The following GPM6B variants were observed in gnomAD, a reference collection of about 807,000 sequenced individuals.
GPM6B encodes glycoprotein M6B.
Under a neutral mutation model 27.2 loss-of-function variants are expected in GPM6B, and 4 were observed. That is an observed-to-expected ratio of 0.15 (90% CI 0.07 to 0.34). The LOEUF (loss-of-function observed/expected upper bound fraction) is 0.34. Among genes scored for constraint, GPM6B ranks in the 10% least tolerant of loss-of-function variants. The probability of loss-of-function intolerance (pLI) is 1.00; values close to 1 mark genes in which losing one functional copy is unlikely to be tolerated. For synonymous variants in GPM6B, 124 were observed against 103.1 expected (o/e 1.20, Z -1.23); for missense variants, 183 against 261.9 (o/e 0.70, Z 2.08).
chrX:13,865,008 GTTATGTGAATGTAGTCTCTCTTTC>G (rs1168955730), intron 1 of GPM6B, among the ~76,000 whole-genome samples: 1 of 111,967 alleles, frequency 8.9e-6, no homozygotes, highest in African/African-American at 3.2e-5. Context: ...TGTAATCAAA[GTTATGTGAATGTAGTCTCTCTTTC>G]TTATCTTATT....
chrX:13,899,754 G>A (rs2050266584), intron 1 of GPM6B, among the ~76,000 whole-genome samples: 1 of 111,194 alleles, frequency 9.0e-6, no homozygotes, highest in South Asian at 3.8e-4. Flanking sequence ...TACGGACATT[G>A]AGCAACTTTC....
Position 13,772,746 on chromosome X carries a change from C to T in GPM6B, c.*135G>A. On this transcript the variant is annotated 3_prime_UTR_variant, in exon 8 of 8. Transcript: ENST00000316715. ...GGAAGGTTTTCCTAGAGATACATCC[C>T]AGCAGCTTGAGACAGACAGTGAAGT... is the stretch of plus-strand genomic sequence containing the variant. 1 of 513,450 alleles carries T rather than the reference C, an allele frequency of 1.9e-6. No homozygotes were observed. Among genetic ancestry groups the T allele is most frequent in the Non-Finnish European group, 3.0e-6 (1 of 328,113 alleles). The allele number at this position is 513,450 out of a possible 1,213,427, so 42.3% of individuals were successfully genotyped here. A position where few individuals can be genotyped will look rare whatever the true frequency, so the allele number is the denominator to read the frequency against.
In GPM6B at chrX:13,805,612, GGT is replaced by G. The variant is rs1166980501; in HGVS notation, c.181+2036_181+2037del. On this transcript the variant is annotated intron_variant, in intron 2 of 7. Coordinates refer to ENST00000316715, the MANE Select transcript of GPM6B (RefSeq NM_001001995.3). ...CTGCTGCTATGAATGCCCAGATTCT[GGT>G]GTTTCACCGTAGGATCAAAAGCACA... is the stretch of plus-strand genomic sequence containing the variant. Among the ~76,000 whole-genome samples, 3 of 112,151 alleles carry G rather than the reference GGT, an allele frequency of 2.7e-5. No homozygotes were observed. In the East Asian group the frequency reaches 8.3e-4, roughly 31 times the overall value.
At chrX:13,898,512 T>A (rs1373193056) in intron 1 of GPM6B, among the ~76,000 whole-genome samples, 1 of 112,313 alleles carries the variant, frequency 8.9e-6, no homozygotes, top group Non-Finnish European at 1.9e-5. Flanking sequence ...CCTACTTGAA[T>A]GAGAATCTGC....
At chrX:13,822,029 A>G (rs1190164183), upstream of GPM6B, among the ~76,000 whole-genome samples, 1 of 111,916 alleles carries the variant, frequency 8.9e-6, no homozygotes, top group East Asian at 2.8e-4. Flanking sequence ...GCCTCCTTCC[A>G]ACTTTCTAGG....
chrX:13,842,722 A>G (rs1255995403), intron 1 of GPM6B, among the ~76,000 whole-genome samples: 1 of 110,416 alleles, frequency 9.1e-6, no homozygotes, highest in Non-Finnish European at 1.9e-5. Context: ...TCTACAAAAA[A>G]TTTTTTAAAA....
intron 2 of GPM6B, among the ~76,000 whole-genome samples, chrX:13,793,199 C>A (rs373384086): frequency 9.0e-6 from 1 of 111,319 alleles, no homozygotes; most frequent in African/African-American, 3.3e-5. Flanking sequence ...TCTCCACAAC[C>A]CCTTATCATC....
chrX:13,927,733 T>C (rs1470097182), intron 1 of GPM6B, among the ~76,000 whole-genome samples: 2 of 112,829 alleles, frequency 1.8e-5, no homozygotes, highest in East Asian at 5.5e-4. Flanking sequence ...GTTGATCAAA[T>C]CCTGAATAGG....
chrX:13,838,265 C>T lies in GPM6B; in HGVS notation c.-197-52457G>A, dbSNP rs776504684. On this transcript the variant is annotated intron_variant, in intron 1 of 6. Coordinates refer to the GPM6B transcript ENST00000398361. ...ATGTTGCTAAAGATGAGTTCTAAAA[C>T]TTCAACAGGCTGGAGCTAGCAAAAC... Among the ~76,000 whole-genome samples the T allele has an allele frequency of 7.5e-4, 84 of 111,970 alleles. 1 individual carries two copies. Among genetic ancestry groups the T allele is most frequent in the African/African-American group, 2.6e-3 (81 of 30,886 alleles).
chrX:13,903,279 C>T lies in GPM6B; in HGVS notation c.-198+35048G>A, dbSNP rs188931468. Among the ~76,000 whole-genome samples the T allele has an allele frequency of 3.0e-3, 337 of 111,678 alleles. 1 individual carries two copies. Among genetic ancestry groups the T allele is most frequent in the African/African-American group, 0.011 (327 of 30,734 alleles). ...AATCTCGATTTATACCAGGCTAACC[C>T]CCAGCGCCCAACCATCAACCAGCCC... On this transcript the variant is annotated intron_variant, in intron 1 of 6. Transcript: ENST00000398361.
rs775820323 is a variant in GPM6B at position 13,790,628 on chromosome X, G to A, written c.182-4820C>T. ...TTTTTTCTCTAAGACGTGGCCCACT[G>A]GGTTTGGCCATAACCCTCCAGTCAC... On this transcript the variant is annotated intron_variant, in intron 2 of 7. Transcript: ENST00000316715. Among the ~76,000 whole-genome samples the A allele has an allele frequency of 5.4e-5, 6 of 111,961 alleles. No individual in the cohort carries two copies. The East Asian group carries it at 8.4e-4, about 16-fold the overall frequency.
At chrX:13,830,718 C>T (rs767818618) in intron 1 of GPM6B, among the ~76,000 whole-genome samples, 1 of 112,523 alleles carries the variant, frequency 8.9e-6, no homozygotes, top group East Asian at 2.8e-4. Context: ...AAGATTCACA[C>T]TAATAATTTA....
intron 1 of GPM6B, among the ~76,000 whole-genome samples, chrX:13,815,861 G>A (rs1003454153): frequency 1.8e-5 from 2 of 111,851 alleles, no homozygotes; most frequent in African/African-American, 3.3e-5. Flanking sequence ...CCGTACTGGC[G>A]AATTACTCTT....
At chrX:13,899,666 G>C (rs1382663604) in intron 1 of GPM6B, among the ~76,000 whole-genome samples, 1 of 110,688 alleles carries the variant, frequency 9.0e-6, no homozygotes, top group African/African-American at 3.3e-5. Context: ...GAACAGTCTG[G>C]AGCCCATGTT....
intron 1 of GPM6B, among the ~76,000 whole-genome samples, chrX:13,900,569 G>A (rs1264398834): frequency 9.0e-6 from 1 of 111,533 alleles, no homozygotes; most frequent in Non-Finnish European, 1.9e-5. Flanking sequence ...GTTCAGGTGG[G>A]CGCAGTTTTC....
At chrX:13,824,364 G>A (rs958845121) in intron 1 of GPM6B, among the ~76,000 whole-genome samples, 2 of 112,099 alleles carry the variant, frequency 1.8e-5, no homozygotes, top group African/African-American at 6.5e-5. Context: ...GGAATCATAG[G>A]GGAAGTTTTT....
At chrX:13,931,051 G>A (rs148446010) in intron 1 of GPM6B, among the ~76,000 whole-genome samples, 2,737 of 111,193 alleles carry the variant, frequency 0.025, 91 homozygotes, top group African/African-American at 0.084. Context: ...AGGCATGGTG[G>A]TGCATACCTG....
intron 1 of GPM6B, among the ~76,000 whole-genome samples, chrX:13,910,948 T>A (rs2050373841): frequency 8.9e-6 from 1 of 112,246 alleles, no homozygotes; most frequent in Admixed American, 9.5e-5. Context: ...TACTCTTCAA[T>A]GGATGATATA....
intron 4 of GPM6B, among the ~76,000 whole-genome samples, chrX:13,780,570 A>ATTG (rs1158563251): frequency 8.9e-6 from 1 of 112,225 alleles, no homozygotes; most frequent in Admixed American, 9.4e-5. Context: ...TCACGAATAC[A>ATTG]AGCTTAATGC....
Sources: allele counts gnomAD v4.1 joint callset (sites outside exome capture counted in the v4.1 genomes callset), GRCh38; gene constraint gnomAD v4.1.1; transcripts MANE v1.5; gene names NCBI Gene and HGNC (gene_info 2026-07-23, HGNC 2026-07-21).